RIT2: variants seen among roughly 807,000 people sequenced by gnomAD.
RIT2 encodes Ras like without CAAX 2.
Under a neutral mutation model 23.7 loss-of-function variants are expected in RIT2, and 24 were observed. The ratio of observed to expected loss-of-function variants is 1.01; its 90% CI spans 0.73 to 1.43. The LOEUF is 1.43. RIT2 is among the 40% of genes most tolerant of loss of function. The pLI is 0.00. For synonymous variants in RIT2, 107 were observed against 91.1 expected (o/e 1.17, Z -0.99); for missense variants, 236 against 266.9 (o/e 0.88, Z 0.81).
chr18:42,962,060 G>A (rs1289044070), intron 3 of RIT2, among the ~76,000 whole-genome samples: 1 of 152,176 alleles, frequency 6.6e-6, no homozygotes, highest in East Asian at 1.9e-4. Context: ...GAGAATAAAG[G>A]AGAGAAATGT....
chr18:43,000,558 T>C (rs1026573248), intron 2 of RIT2, among the ~76,000 whole-genome samples: 2 of 152,038 alleles, frequency 1.3e-5, no homozygotes, highest in Admixed American at 1.3e-4. Context: ...TTTCGCTCTG[T>C]GTCCTCGCCC....
At chr18:42,828,344 T>C (rs183054059) in intron 4 of RIT2, among the ~76,000 whole-genome samples, 64 of 152,376 alleles carry the variant, frequency 4.2e-4, no homozygotes, top group Middle Eastern at 3.4e-3. Flanking sequence ...GAATATTTCA[T>C]TGTGTCCATT....
intron 1 of RIT2, among the ~76,000 whole-genome samples, chr18:43,039,608 A>C (rs1047301743): frequency 2.0e-5 from 3 of 152,112 alleles, no homozygotes; most frequent in African/African-American, 7.2e-5. Flanking sequence ...TTGGCCTCCC[A>C]AAATGCTGGG....
intron 3 of RIT2, chr18:42,949,034 C>T (rs1909789274): frequency 7.5e-6 from 3 of 397,618 alleles, no homozygotes; most frequent in Non-Finnish European, 1.3e-5. Flanking sequence ...ATCTGTGTTT[C>T]AGCCAGTCAC....
chr18:43,057,117 T>C (rs906827463), intron 1 of RIT2, among the ~76,000 whole-genome samples: 1 of 151,686 alleles, frequency 6.6e-6, no homozygotes, highest in African/African-American at 2.4e-5. Flanking sequence ...ATATAGAATA[T>C]TGAGTTATAT....
At chr18:43,056,365 G>A (rs1425010603) in intron 1 of RIT2, among the ~76,000 whole-genome samples, 1 of 151,980 alleles carries the variant, frequency 6.6e-6, no homozygotes. Context: ...CAAAAAAAAC[G>A]ATGAAAGTAA....
At position 42,994,475 on chromosome 18, in the gene RIT2, T is replaced by C. The variant is rs537314859; in HGVS notation, c.161-20328A>G. Among the ~76,000 whole-genome samples the C allele has an allele frequency of 4.0e-3, 616 of 152,276 alleles. 4 individuals are homozygous for C. Among genetic ancestry groups the C allele is most frequent in the African/African-American group, 0.013 (530 of 41,554 alleles). ...TTTTGCCATCCTAACAAAACCATCATATAAACTCACAAAAGGAAACCTAGC... is the reference window on the plus strand; with the variant it reads ...TTTTGCCATCCTAACAAAACCATCACATAAACTCACAAAAGGAAACCTAGC... On this transcript the variant is annotated intron_variant, in intron 2 of 4. Coordinates refer to ENST00000326695, the MANE Select transcript of RIT2 (RefSeq NM_002930.4).
chr18:42,985,777 GA>G (rs1441986615), intron 2 of RIT2, among the ~76,000 whole-genome samples: 1 of 151,686 alleles, frequency 6.6e-6, no homozygotes, highest in African/African-American at 2.4e-5. Context: ...AATATTCAAA[GA>G]AAAACAATAA....
chr18:43,036,197 C>T (rs867025224), intron 1 of RIT2, among the ~76,000 whole-genome samples: 1 of 152,118 alleles, frequency 6.6e-6, no homozygotes, highest in Non-Finnish European at 1.5e-5. Flanking sequence ...ATACAGCCAA[C>T]ATCAGAAATA....
At chr18:43,053,911 G>A (rs2144313054) in intron 1 of RIT2, among the ~76,000 whole-genome samples, 1 of 152,114 alleles carries the variant, frequency 6.6e-6, no homozygotes, top group South Asian at 2.1e-4. Context: ...CTGAACACTT[G>A]CTTTAATCAT....
At chr18:42,987,731 G>C (rs2144222901) in intron 2 of RIT2, among the ~76,000 whole-genome samples, 1 of 152,264 alleles carries the variant, frequency 6.6e-6, no homozygotes, top group East Asian at 1.9e-4. Context: ...GGTTTATTTG[G>C]CTCACAGTTC....
intron 4 of RIT2, among the ~76,000 whole-genome samples, chr18:42,790,852 AG>A (rs1356564809): frequency 6.6e-6 from 1 of 152,240 alleles, no homozygotes; most frequent in East Asian, 1.9e-4. Flanking sequence ...TGCTCAAAGA[AG>A]CTGAGACATT....
intron 4 of RIT2, among the ~76,000 whole-genome samples, chr18:42,843,269 A>T (rs1168303638): frequency 6.6e-6 from 1 of 152,146 alleles, no homozygotes; most frequent in East Asian, 1.9e-4. Flanking sequence ...TCCATATATT[A>T]ATGAGTATAT....
intron 3 of RIT2, among the ~76,000 whole-genome samples, chr18:42,932,373 G>C (rs1228108890): frequency 6.6e-6 from 1 of 152,068 alleles, no homozygotes; most frequent in African/African-American, 2.4e-5. Context: ...TCTTCTTTAA[G>C]TACTGCATTT....
At chr18:42,989,452 A>G (rs1253745329) in intron 2 of RIT2, among the ~76,000 whole-genome samples, 1 of 152,212 alleles carries the variant, frequency 6.6e-6, no homozygotes, top group Non-Finnish European at 1.5e-5. Context: ...ATAAAAGGAA[A>G]TGGATTAAAT....
intron 4 of RIT2, among the ~76,000 whole-genome samples, chr18:42,832,620 A>G (rs561773754): frequency 7.2e-5 from 11 of 152,362 alleles, no homozygotes; most frequent in South Asian, 4.1e-4. Flanking sequence ...TGACCAAATC[A>G]GAGTAGGATA....
At chr18:42,918,793 C>T (rs1049270787) in intron 4 of RIT2, among the ~76,000 whole-genome samples, 1 of 152,080 alleles carries the variant, frequency 6.6e-6, no homozygotes, top group East Asian at 1.9e-4. Context: ...GTGTACACTC[C>T]TAAGACCCAA....
At chr18:43,061,428 G>A (rs1472744266) in intron 1 of RIT2, among the ~76,000 whole-genome samples, 1 of 152,078 alleles carries the variant, frequency 6.6e-6, no homozygotes, top group Non-Finnish European at 1.5e-5. Flanking sequence ...TTTCAGGGTT[G>A]GGTATGCTAC....
rs527927765 is a variant in RIT2, at chr18:43,069,556, T to C, written c.104-35689A>G. Among the ~76,000 whole-genome samples, 5 of 152,328 alleles carry C rather than the reference T, an allele frequency of 3.3e-5. No homozygotes were observed. The East Asian group carries it at 9.6e-4, about 29-fold the overall frequency. On this transcript the variant is annotated intron_variant, in intron 1 of 4. Coordinates refer to ENST00000326695, the MANE Select transcript of RIT2 (RefSeq NM_002930.4). ...GTCTCTACCATGTTACCAACCTCCT[T>C]GTTTTTGTCCTTGCCCACCTACAGT...
Sources: gnomAD v4.1 joint callset for allele counts (sites outside exome capture counted in the v4.1 genomes callset) on GRCh38, gnomAD v4.1.1 for gene constraint, MANE v1.5 for transcripts, NCBI Gene and HGNC (gene_info 2026-07-23, HGNC 2026-07-21) for gene names.